ATP9B: variants seen among roughly 807,000 people sequenced by gnomAD.
The protein encoded by ATP9B is ATPase phospholipid transporting 9B.
A neutral mutation model predicts 146.1 loss-of-function variants in ATP9B; 110 were observed. The ratio of observed to expected loss-of-function variants is 0.75; its 90% confidence interval spans 0.65 to 0.88. ATP9B has a LOEUF of 0.88. ATP9B is among the 40% of genes least tolerant of loss of function. The pLI is 0.00. For synonymous variants in ATP9B, 604 were observed against 569.7 expected, an observed-to-expected ratio of 1.06 and a Z score of -0.86; for missense variants, 1,499 against 1,496.4, an observed-to-expected ratio of 1.00 and a Z score of -0.03.
intron 27 of ATP9B, 141 bp from the exon 28 acceptor site, chr18:79,373,757 G>C (rs2097087200): frequency 1.2e-6 from 1 of 835,026 alleles, no homozygotes; most frequent in African/African-American, 1.7e-5. Context: ...CCAAAGTGCT[G>C]GGAAGACAGA....
intron 5 of ATP9B, among the ~76,000 whole-genome samples, chr18:79,140,805 G>A (rs28687311): frequency 3.3e-5 from 5 of 151,910 alleles, no homozygotes; most frequent in African/African-American, 9.7e-5. Flanking sequence ...AAAAGAGTAG[G>A]TAGTTATTTG....
intron 9 of ATP9B, among the ~76,000 whole-genome samples, chr18:79,200,792 A>AACG (rs1568389307): frequency 3.7e-3 from 5 of 1,368 alleles, no homozygotes; most frequent in Admixed American, 6.0e-3. Flanking sequence ...TAGTGGTGGA[A>AACG]TTGTTTTCAT....
At chr18:79,084,551 AT>A (rs1252143041) in intron 1 of ATP9B, among the ~76,000 whole-genome samples, 28 of 151,846 alleles carry the variant, frequency 1.8e-4, no homozygotes, top group South Asian at 2.1e-4. Context: ...AAAAAAAAAA[AT>A]GTAAGCGTAT....
At chr18:79,083,460 A>G (rs181315729) in intron 1 of ATP9B, among the ~76,000 whole-genome samples, 1 of 152,262 alleles carries the variant, frequency 6.6e-6, no homozygotes, top group African/African-American at 2.4e-5. Flanking sequence ...GTATGAAAAA[A>G]GACTCCTGCA....
chr18:79,090,684 A>G lies in ATP9B; in HGVS notation c.120-5792A>G, dbSNP rs1258692665. 3.9e-5 allele frequency among the ~76,000 whole-genome samples: 6 copies of G among 152,080 alleles called. No homozygotes were observed. The East Asian group carries it at 1.2e-3, about 29-fold the overall frequency. On this transcript the variant is annotated intron_variant, in intron 1 of 29. Coordinates refer to ENST00000426216, the MANE Select transcript of ATP9B (RefSeq NM_198531.5). ...AATTCTGATTATTAATCCCTTGTCA[A>G]AGGGGTAGTTGGCAAATAGGCAAAT...
chr18:79,300,177 G>T (rs904459580), intron 13 of ATP9B, among the ~76,000 whole-genome samples: 9 of 152,210 alleles, frequency 5.9e-5, no homozygotes, highest in Non-Finnish European at 1.3e-4. Flanking sequence ...GCTTCAGGAG[G>T]GGGGCACTCC....
chr18:79,329,219 C>T lies in ATP9B; in HGVS notation c.1852C>T (p.Pro618Ser). 1 of 1,612,750 alleles carries T rather than the reference C, an allele frequency of 6.2e-7. No individual in the cohort carries two copies. The highest frequency in any genetic ancestry group is 8.5e-7 in the Non-Finnish European group (1 of 1,179,836). ...RDLTSMQLKT[P>S]SGQVLSFCIL... Reference sequence around the variant, plus strand: ...CCTCACCTCCATGCAGCTGAAGACCCCCAGTGGCCAGGTCCTCAGCTTCTG... The same window carrying T: ...CCTCACCTCCATGCAGCTGAAGACCTCCAGTGGCCAGGTCCTCAGCTTCTG... The change falls in exon 16 of 30, where the codon CCC becomes TCC. Residue 618 changes from proline to serine, a missense_variant. Transcript: ENST00000426216.
chr18:79,107,184 C>T (rs900311352), intron 2 of ATP9B, among the ~76,000 whole-genome samples: 1 of 152,076 alleles, frequency 6.6e-6, no homozygotes, highest in Non-Finnish European at 1.5e-5. Flanking sequence ...ACCTGTGGCC[C>T]AGCTTGCAAT....
At chr18:79,193,302 G>A (rs368486268) in intron 9 of ATP9B, 39 bp downstream of exon 9, 2 of 1,492,318 alleles carry the variant, frequency 1.3e-6, no homozygotes, top group Non-Finnish European at 1.9e-6. Context: ...TAGAGTTATT[G>A]TGTAAGTTAA....
rs1194641983 is a variant in ATP9B, at chr18:79,311,488, G to A, written c.1773+4254G>A. ...ATGTGCCAGCAGATTCATGGTATTCGACAAAGTATAAGCCACGGCTAGACT... is the reference window on the plus strand; with the variant it reads ...ATGTGCCAGCAGATTCATGGTATTCAACAAAGTATAAGCCACGGCTAGACT... On this transcript the variant is annotated intron_variant, in intron 15 of 29. Transcript: ENST00000426216. 6.6e-5 allele frequency among the ~76,000 whole-genome samples: 10 copies of A among 152,238 alleles called. No homozygotes were observed. The South Asian group carries it at 8.3e-4, about 13-fold the overall frequency.
chr18:79,345,200 C>T (rs1184758899), intron 21 of ATP9B, among the ~76,000 whole-genome samples: 1 of 152,188 alleles, frequency 6.6e-6, no homozygotes. Context: ...AGTGGAAGAA[C>T]TTCCCTAGGC....
intron 3 of ATP9B, 92 bp downstream of exon 3, chr18:79,110,597 G>C (rs2075944628): frequency 7.9e-7 from 1 of 1,260,842 alleles, no homozygotes; most frequent in Non-Finnish European, 1.1e-6. Flanking sequence ...CTCTGACTTA[G>C]GTATTGAGTT....
At chr18:79,071,045 GTTTC>G (rs1435024335) in intron 1 of ATP9B, among the ~76,000 whole-genome samples, 9 of 76,618 alleles carry the variant, frequency 1.2e-4, no homozygotes, top group Admixed American at 7.9e-4. Context: ...TCTGATTCCT[GTTTC>G]TTTTTTTTTT....
intron 15 of ATP9B, among the ~76,000 whole-genome samples, chr18:79,325,646 C>G (rs2096740031): frequency 6.6e-6 from 1 of 152,160 alleles, no homozygotes; most frequent in Non-Finnish European, 1.5e-5. Flanking sequence ...CTCTCAAAAG[C>G]ATGCCTGTGG....
intron 1 of ATP9B, among the ~76,000 whole-genome samples, chr18:79,089,865 T>A (rs1174131496): frequency 6.6e-6 from 1 of 152,190 alleles, no homozygotes; most frequent in Non-Finnish European, 1.5e-5. Context: ...TGGATCTTAT[T>A]CTTTGTATCT....
chr18:79,087,201 C>G (rs920423103), intron 1 of ATP9B: 1 of 152,180 alleles, frequency 6.6e-6, no homozygotes, highest in African/African-American at 2.4e-5. Flanking sequence ...GCAATATGCT[C>G]TCTTTATGAT....
chr18:79,099,413 G>A (rs1270339156), intron 2 of ATP9B, among the ~76,000 whole-genome samples: 1 of 152,040 alleles, frequency 6.6e-6, no homozygotes, highest in African/African-American at 2.4e-5. Flanking sequence ...GTAGAGATGG[G>A]GTTTTGCCAA....
At chr18:79,209,763 T>G in intron 10 of ATP9B, 1 of 806,262 alleles carries the variant, frequency 1.2e-6, no homozygotes. Context: ...TCTTTAAATG[T>G]AAGCTTTAAT....
intron 5 of ATP9B, among the ~76,000 whole-genome samples, chr18:79,127,100 C>G (rs2094300038): frequency 6.6e-6 from 1 of 152,098 alleles, no homozygotes; most frequent in African/African-American, 2.4e-5. Context: ...GGATTTTTAT[C>G]TTTTGTATGT....
Sources: allele counts gnomAD v4.1 joint callset (sites outside exome capture counted in the v4.1 genomes callset), GRCh38; gene constraint gnomAD v4.1.1; transcripts MANE v1.5; gene names NCBI Gene and HGNC (gene_info 2026-07-23, HGNC 2026-07-21).